Variants in MIER1 observed in about 807,000 individuals in gnomAD.
MIER1 encodes the protein mesoderm induction early response protein 1.
Under a neutral mutation model 75.7 loss-of-function variants are expected in MIER1, and 40 were observed. That is an observed-to-expected ratio of 0.53 (90% CI 0.41 to 0.69). MIER1 has a LOEUF of 0.69. Ranked by LOEUF, MIER1 falls within the 30% of genes least tolerant of loss-of-function variation. The probability of loss-of-function intolerance (pLI) is 0.00; values close to 1 mark genes in which losing one functional copy is unlikely to be tolerated. For missense variants in MIER1, 574 were observed against 680.2 expected (o/e 0.84, Z 1.74); for synonymous variants, 213 against 223.4 (o/e 0.95, Z 0.42).
chr1:66,954,708 C>CTT (rs879925906), intron 4 of MIER1, among the ~76,000 whole-genome samples: 1 of 145,026 alleles, frequency 6.9e-6, no homozygotes, highest in Non-Finnish European at 1.5e-5. Context: ...TTTCTTTTTC[C>CTT]TTTTTTTTTT....
At chr1:66,925,501 C>G in intron 1 of MIER1, 17 of 985,470 alleles carry the variant, frequency 1.7e-5, no homozygotes, top group Non-Finnish European at 1.9e-5. Context: ...TGTCCCATCC[C>G]CGGGAGGCTC....
chr1:66,979,500 T>C (rs1335083838), intron 12 of MIER1, among the ~76,000 whole-genome samples: 1 of 152,178 alleles, frequency 6.6e-6, no homozygotes, highest in African/African-American at 2.4e-5. Flanking sequence ...TTGGGAACCT[T>C]ATTGGAGATT....
At chr1:66,981,512 C>T (rs1665878321) in intron 12 of MIER1, among the ~76,000 whole-genome samples, 1 of 152,180 alleles carries the variant, frequency 6.6e-6, no homozygotes, top group African/African-American at 2.4e-5. Flanking sequence ...ACTCTGAGCA[C>T]CTGCCTACAA....
intron 11 of MIER1, among the ~76,000 whole-genome samples, chr1:66,974,044 T>G (rs568332191): frequency 8.5e-5 from 13 of 152,222 alleles, no homozygotes; most frequent in African/African-American, 3.1e-4. Flanking sequence ...ACAAATCCTG[T>G]GGGTTCATTT....
chr1:66,985,807 T>C lies in MIER1; in HGVS notation c.*907T>C, dbSNP rs1666694268. On this transcript the variant is annotated 3_prime_UTR_variant, in exon 14 of 14. Transcript: ENST00000401041. ...AGGTGGTTAAAGCATTCATAAAGGA[T>C]TATAAAATTTTTTTTTTTTTTTTTT... is the stretch of plus-strand genomic sequence containing the variant. 3.5e-6 allele frequency: 3 copies of C among 851,288 alleles called. No individual in the cohort carries two copies. In the African/African-American group the frequency reaches 6.4e-5, roughly 18 times the overall value. 52.7% of individuals were successfully genotyped at this position (851,288 alleles called of 1,614,324 possible).
In MIER1 at chr1:66,972,892, G is replaced by C; in HGVS notation, c.1007-5G>C. 6.6e-7 allele frequency: 1 copy of C among 1,514,914 alleles called. No individual in the cohort carries two copies. The highest frequency in any genetic ancestry group is 9.1e-7 in the Non-Finnish European group (1 of 1,093,374). 93.8% of individuals were successfully genotyped at this position (1,514,914 alleles called of 1,614,324 possible). A position where few individuals can be genotyped will look rare whatever the true frequency, so the allele number is the denominator to read the frequency against. ...CTTAACAGTTTGTTCCTCCCATCTT[G>C]TCAGAGGAATTATCTGTTTGGACAG... On this transcript the variant is annotated splice_region_variant and splice_polypyrimidine_tract_variant and intron_variant, in intron 10 of 13. Coordinates refer to ENST00000401041, the MANE Select transcript of MIER1 (RefSeq NM_001077700.3).
At chr1:66,949,961 G>A (rs191545931) in intron 4 of MIER1, among the ~76,000 whole-genome samples, 6 of 151,728 alleles carry the variant, frequency 4.0e-5, no homozygotes, top group African/African-American at 9.7e-5. Flanking sequence ...GTTTTGATGT[G>A]TATTGTTACA....
chr1:66,937,659 A>G (rs770440464), intron 2 of MIER1, among the ~76,000 whole-genome samples: 14 of 152,228 alleles, frequency 9.2e-5, no homozygotes, highest in Non-Finnish European at 1.5e-5. Context: ...TTTCATATCT[A>G]AATAAAAATT....
intron 13 of MIER1, among the ~76,000 whole-genome samples, chr1:66,983,921 T>C (rs1273300519): frequency 6.6e-6 from 1 of 152,190 alleles, no homozygotes; most frequent in Non-Finnish European, 1.5e-5. Flanking sequence ...AGACAAGTTT[T>C]CACCCTATTG....
intron 2 of MIER1, among the ~76,000 whole-genome samples, chr1:66,934,572 C>CTTT (rs34540359): frequency 7.2e-5 from 10 of 138,250 alleles, no homozygotes; most frequent in Non-Finnish European, 9.3e-5. Context: ...TCATGCCCGG[C>CTTT]TTTTTTTTTT....
At chr1:66,959,925 A>C (rs1281236805) in intron 7 of MIER1, 182 bp downstream of exon 7, 3 of 319,260 alleles carry the variant, frequency 9.4e-6, no homozygotes, top group Non-Finnish European at 1.8e-5. Context: ...TTAGATTAGA[A>C]ATCTACATTT....
intron 11 of MIER1, among the ~76,000 whole-genome samples, chr1:66,976,164 C>T (rs943189350): frequency 2.0e-5 from 3 of 152,040 alleles, no homozygotes; most frequent in African/African-American, 7.2e-5. Flanking sequence ...CCACCATGCC[C>T]GGCTAATTTT....
At chr1:66,984,018 C>G (rs184532354) in intron 13 of MIER1, among the ~76,000 whole-genome samples, 1 of 152,190 alleles carries the variant, frequency 6.6e-6, no homozygotes, top group Non-Finnish European at 1.5e-5. Context: ...GCCACTGCAC[C>G]CAGCCTTGTG....
chr1:66,931,514 A>T (rs1348196541), intron 2 of MIER1, among the ~76,000 whole-genome samples: 1 of 152,140 alleles, frequency 6.6e-6, no homozygotes. Context: ...GGCACCCCAA[A>T]ACAGATTTAG....
At chr1:66,942,502 T>A (rs1430691405) in intron 3 of MIER1, among the ~76,000 whole-genome samples, 3 of 152,192 alleles carry the variant, frequency 2.0e-5, no homozygotes, top group Non-Finnish European at 4.4e-5. Flanking sequence ...TAGGATTTCA[T>A]GACAAAGCAG....
At chr1:66,951,546 A>G (rs1261445658) in intron 4 of MIER1, among the ~76,000 whole-genome samples, 1 of 150,778 alleles carries the variant, frequency 6.6e-6, no homozygotes, top group Non-Finnish European at 1.5e-5. Context: ...CTTAAAATAC[A>G]GTCTGCAAAT....
chr1:66,959,130 T>C (rs1306754783), intron 6 of MIER1, 147 bp downstream of exon 6: 3 of 680,820 alleles, frequency 4.4e-6, no homozygotes, highest in Admixed American at 2.7e-5. Flanking sequence ...GTTATTAGTT[T>C]AGCAATGCAG....
chr1:66,947,197 AT>A (rs1657862043), intron 4 of MIER1: 1 of 156,110 alleles, frequency 6.4e-6, no homozygotes, highest in African/African-American at 2.4e-5. Flanking sequence ...AAATTTGAAA[AT>A]CACTAAGCTG....
At chr1:66,925,436 T>C in intron 1 of MIER1, 1 of 985,336 alleles carries the variant, frequency 1.0e-6, no homozygotes, top group African/African-American at 1.7e-5. Flanking sequence ...GGGGTGGGGC[T>C]AAGCTGACCA....
Sources: allele counts gnomAD v4.1 joint callset (sites outside exome capture counted in the v4.1 genomes callset), GRCh38; gene constraint gnomAD v4.1.1; transcripts MANE v1.5; gene names NCBI Gene and HGNC (gene_info 2026-07-23, HGNC 2026-07-21).